The following INTS6 variants were observed in gnomAD, a reference collection of about 807,000 sequenced individuals.
INTS6 encodes the protein DEAD box protein.
In INTS6, 16 loss-of-function variants were observed where a neutral mutation model predicts 104.9. The observed-to-expected ratio is 0.15, with a 90% confidence interval of 0.10 to 0.23. The LOEUF (loss-of-function observed/expected upper bound fraction) is 0.23, where lower values mean the gene tolerates loss of function less well. INTS6 is among the 10% of genes least tolerant of loss of function. INTS6 has a pLI of 1.00. For synonymous variants in INTS6, 324 were observed against 358.7 expected (o/e 0.90, Z 1.09); for missense variants, 584 against 1,062.8 (o/e 0.55, Z 6.26).
At chr13:51,451,391 T>C (rs1953038900) in intron 2 of INTS6, 2 of 347,598 alleles carry the variant, frequency 5.8e-6, no homozygotes, top group African/African-American at 2.1e-5. Context: ...ACTGCCTTAA[T>C]ACTTTATAAC....
rs762318631 is a variant in INTS6 at position 51,395,500 on chromosome 13, A to G, written c.430-17T>C. The G allele has an allele frequency of 1.9e-6, 3 of 1,601,066 alleles. No individual in the cohort carries two copies. Among genetic ancestry groups the G allele is most frequent in the Non-Finnish European group, 2.6e-6 (3 of 1,174,798 alleles). On this transcript the variant is annotated splice_polypyrimidine_tract_variant and intron_variant, in intron 4 of 17. Coordinates refer to ENST00000311234, the MANE Select transcript of INTS6 (RefSeq NM_012141.3). ...TAAATGAAGCTGAAAGTAGGGGGGA[A>G]AAACAGTAATAAGAATTCCACAGAC...
chr13:51,422,983 C>A, intron 4 of INTS6: 3 of 1,025,614 alleles, frequency 2.9e-6, no homozygotes, highest in Non-Finnish European at 3.9e-6. Context: ...CTGTTTATTT[C>A]TGCCATGAGA....
chr13:51,437,248 TC>T lies in INTS6; in HGVS notation c.340-6866del, dbSNP rs1203374695. On this transcript the variant is annotated intron_variant, in intron 3 of 17. Transcript: ENST00000311234. The stretch of plus-strand genomic sequence containing the variant: ...TTTGACCTAAAAGAAATCTGTCTAG[TC>T]TCTCAAGATTAATCACCTCCTTGAG... The T allele has an allele frequency of 4.6e-5, 7 of 152,348 alleles. No individual in the cohort carries two copies. In the East Asian group the frequency reaches 1.3e-3, roughly 29 times the overall value. 9.4% of individuals were successfully genotyped at this position (152,348 alleles called of 1,614,324 possible).
downstream of INTS6, among the ~76,000 whole-genome samples, chr13:51,351,549 T>C (rs895879428): frequency 3.9e-5 from 6 of 152,158 alleles, no homozygotes; most frequent in Non-Finnish European, 7.4e-5. Context: ...TTAACAGATA[T>C]ATGATTTGTA....
chr13:51,382,004 A>G (rs1956060773), intron 10 of INTS6, 25 bp downstream of exon 10: 3 of 1,536,908 alleles, frequency 2.0e-6, no homozygotes, highest in Middle Eastern at 2.2e-4. Flanking sequence ...CCCGGCCAAC[A>G]AGTTCTTTTA....
At chr13:51,447,764 G>A (rs1394004979) in intron 3 of INTS6, 2 of 138,104 alleles carry the variant, frequency 1.4e-5, no homozygotes, top group African/African-American at 2.7e-5. Context: ...AAAAGACAAT[G>A]TTGAAAATAT....
chr13:51,366,852 T>C (rs1037591123), intron 17 of INTS6, among the ~76,000 whole-genome samples: 9 of 152,048 alleles, frequency 5.9e-5, no homozygotes, highest in Non-Finnish European at 1.2e-4. Context: ...TGTGTTTACA[T>C]TTAGAAGGTG....
intron 4 of INTS6, among the ~76,000 whole-genome samples, chr13:51,398,211 C>T (rs953369289): frequency 2.0e-5 from 3 of 152,030 alleles, no homozygotes; most frequent in Non-Finnish European, 4.4e-5. Context: ...GGAGGATTGA[C>T]TTACTCCAGG....
At chr13:51,356,892 C>T (rs2137811399), downstream of INTS6, among the ~76,000 whole-genome samples, 1 of 152,014 alleles carries the variant, frequency 6.6e-6, no homozygotes, top group South Asian at 2.1e-4. Flanking sequence ...TTATCATGTG[C>T]CAAGTATGAA....
intron 7 of INTS6, 143 bp downstream of exon 7, chr13:51,387,243 A>G: frequency 1.6e-6 from 1 of 610,768 alleles, no homozygotes; most frequent in Non-Finnish European, 2.5e-6. Flanking sequence ...GCAACATAAT[A>G]AAGCAAGTAA....
chr13:51,451,591 C>T (rs1953048570), intron 2 of INTS6: 1 of 156,526 alleles, frequency 6.4e-6, no homozygotes, highest in African/African-American at 2.4e-5. Flanking sequence ...GCCGATTCCC[C>T]TTTAATGCAA....
downstream of INTS6, among the ~76,000 whole-genome samples, chr13:51,357,813 C>T (rs1042058208): frequency 1.3e-5 from 2 of 152,104 alleles, no homozygotes; most frequent in African/African-American, 4.8e-5. Context: ...AGACCCATGC[C>T]TCCTAGTCCA....
intron 3 of INTS6, 24 bp downstream of exon 3, chr13:51,451,001 T>C: frequency 6.8e-7 from 1 of 1,479,624 alleles, no homozygotes; most frequent in Non-Finnish European, 9.0e-7. Flanking sequence ...ATCAACTATT[T>C]TGCCACCTTA....
intron 4 of INTS6, among the ~76,000 whole-genome samples, chr13:51,399,969 G>A (rs1438253145): frequency 6.6e-6 from 1 of 152,102 alleles, no homozygotes; most frequent in Non-Finnish European, 1.5e-5. Flanking sequence ...TAAGGAATGG[G>A]GCCACACAGC....
At chr13:51,375,899 T>A (rs1955920702) in intron 13 of INTS6, 149 bp downstream of exon 13, 2 of 624,006 alleles carry the variant, frequency 3.2e-6, no homozygotes, top group South Asian at 7.0e-5. Flanking sequence ...GAATCAGGGA[T>A]GATTCACCTT....
intron 4 of INTS6, among the ~76,000 whole-genome samples, chr13:51,413,211 T>A (rs1007886266): frequency 6.6e-6 from 1 of 152,026 alleles, no homozygotes; most frequent in Non-Finnish European, 1.5e-5. Context: ...GTTTTTTTTT[T>A]AAAGGGTCAA....
At chr13:51,434,747 C>T (rs184841686) in intron 3 of INTS6, among the ~76,000 whole-genome samples, 2 of 70,188 alleles carry the variant, frequency 2.8e-5, no homozygotes, top group Non-Finnish European at 4.7e-5. Context: ...TTCTTATATA[C>T]TGTTTTGCAC....
chr13:51,389,160 C>T (rs928071840), intron 6 of INTS6, among the ~76,000 whole-genome samples, 159 bp downstream of exon 6: 2 of 152,104 alleles, frequency 1.3e-5, no homozygotes, highest in Admixed American at 6.5e-5. Context: ...ATTAGTTTAC[C>T]TTGACTTTCC....
chr13:51,335,532 T>C, the INTS6 span, among the ~76,000 whole-genome samples: 202 of 152,340 alleles, frequency 1.3e-3, no homozygotes, highest in African/African-American at 4.7e-3. Context: ...TAGAAGGATG[T>C]AGATGTTCCA....
Sources: gnomAD v4.1 joint callset for allele counts (sites outside exome capture counted in the v4.1 genomes callset) on GRCh38, gnomAD v4.1.1 for gene constraint, MANE v1.5 for transcripts, NCBI Gene and HGNC (gene_info 2026-07-23, HGNC 2026-07-21) for gene names.